The following DOHH variants were observed in gnomAD, a reference collection of about 807,000 sequenced individuals.
The protein encoded by DOHH is deoxyhypusine hydroxylase.
In DOHH, 16 loss-of-function variants were observed where a neutral mutation model predicts 19.9. The observed-to-expected ratio is 0.80, with a 90% CI of 0.54 to 1.22. The LOEUF (loss-of-function observed/expected upper bound fraction) is 1.22. Among genes scored for constraint, DOHH ranks in the 50% most tolerant of loss-of-function variants. The probability of loss-of-function intolerance (pLI) is 0.00; values close to 1 mark genes in which losing one functional copy is unlikely to be tolerated. For synonymous variants in DOHH, 233 were observed against 217.0 expected (o/e 1.07, Z -0.65); for missense variants, 460 against 460.6 (o/e 1.00, Z 0.01).
In DOHH at chr19:3,491,203, CCT is replaced by C. The variant is rs1022950624; in HGVS notation, c.*287_*288del. On this transcript the variant is annotated 3_prime_UTR_variant, in exon 5 of 5. Coordinates refer to ENST00000427575, the MANE Select transcript of DOHH (RefSeq NM_001145165.2). The surrounding 1 kb of genome is among the most constrained non-coding windows in gnomAD (Gnocchi z 5.6). Reference sequence around the variant, plus strand: ...CCCCTGGCTTCCCTCGCAATCCTCCCCTGTCCTGAGCCGGGCATCCCAGAGCC... The same window carrying C: ...CCCCTGGCTTCCCTCGCAATCCTCCCGTCCTGAGCCGGGCATCCCAGAGCC... The C allele has an allele frequency of 2.1e-5, 11 of 518,258 alleles. No homozygotes were observed. Among genetic ancestry groups the C allele is most frequent in the South Asian group, 7.7e-5 (3 of 39,038 alleles). The allele number at this position is 518,258 out of a possible 1,614,324, so 32.1% of individuals were successfully genotyped here. A position where few individuals can be genotyped will look rare whatever the true frequency, so the allele number is the denominator to read the frequency against.
In DOHH at chr19:3,496,938, T is replaced by C. The variant is rs1463295170; in HGVS notation, c.-72-52A>G. The C allele has an allele frequency of 2.4e-6, 3 of 1,264,854 alleles. No individual in the cohort carries two copies. The highest frequency in any genetic ancestry group is 3.0e-4 in the Middle Eastern group (1 of 3,298). 78.4% of individuals were successfully genotyped at this position (1,264,854 alleles called of 1,614,324 possible). Reference sequence around the variant, plus strand: ...TTAGAAGCCCCCTTCACCAGTGCGTTGTCTGTTCCTAGGACCTGGGTGGGG... The same window carrying C: ...TTAGAAGCCCCCTTCACCAGTGCGTCGTCTGTTCCTAGGACCTGGGTGGGG... On this transcript the variant is annotated intron_variant, in intron 1 of 4. Coordinates refer to ENST00000427575, the MANE Select transcript of DOHH (RefSeq NM_001145165.2). The surrounding 1 kb of genome is among the most constrained non-coding windows in gnomAD (Gnocchi z 4.8).
rs1019780433 is a variant in DOHH, at chr19:3,497,665, GC to G, written c.-72-780del. On this transcript the variant is annotated intron_variant, in intron 1 of 4. Coordinates refer to ENST00000427575, the MANE Select transcript of DOHH (RefSeq NM_001145165.2). ...TTTTGAGACAGGATCTTGTTCTGTC[GC>G]CAGGCTGGAGTACGGCAGCATGATC... 3.9e-5 allele frequency among the ~76,000 whole-genome samples: 6 copies of G among 152,208 alleles called. 1 individual carries two copies. Among genetic ancestry groups the G allele is most frequent in the Admixed American group, 3.9e-4 (6 of 15,282 alleles).
chr19:3,495,693 T>A (rs2082903289), intron 2 of DOHH, among the ~76,000 whole-genome samples: 1 of 152,168 alleles, frequency 6.6e-6, no homozygotes, highest in Non-Finnish European at 1.5e-5. Context: ...GTGGATCACT[T>A]GAGGCCAGGA....
rs141419837 is a variant in DOHH, at chr19:3,496,710, G to T, written c.105C>A (p.Gly35=). The change falls in exon 2 of 5, where the codon GGC becomes GGA. Residue 35 remains glycine, a synonymous_variant. Transcript: ENST00000427575. The surrounding 1 kb of genome is among the most constrained non-coding windows in gnomAD (Gnocchi z 4.8). ...FRALFTLRGL[G]GPGAIAWISQ... ...TGATCCATGCAATGGCGCCTGGGCC[G>T]CCGAGCCCACGCAGCGTGAACAGCG... The T allele has an allele frequency of 7.5e-5, 121 of 1,613,396 alleles. No homozygotes were observed. The African/African-American group carries it at 1.5e-3, about 20-fold the overall frequency.
At position 3,491,280 on chromosome 19, in the gene DOHH, C is replaced by T. The variant is rs753347764; in HGVS notation, c.*212G>A. 5.4e-5 allele frequency: 33 copies of T among 606,584 alleles called. No homozygotes were observed. Among genetic ancestry groups the T allele is most frequent in the Non-Finnish European group, 8.8e-5 (31 of 351,080 alleles). 37.6% of individuals were successfully genotyped at this position (606,584 alleles called of 1,614,324 possible). A position where few individuals can be genotyped will look rare whatever the true frequency, so the allele number is the denominator to read the frequency against. ...TGGAAACTTCCACGCTACAGCCCTG[C>T]GCCAGGCCCCGAGGAGCAGTCAGGG... is the stretch of plus-strand genomic sequence containing the variant. On this transcript the variant is annotated 3_prime_UTR_variant, in exon 5 of 5. Coordinates refer to ENST00000427575, the MANE Select transcript of DOHH (RefSeq NM_001145165.2). The surrounding 1 kb of genome is among the most constrained non-coding windows in gnomAD (Gnocchi z 5.6).
Position 3,496,654 on chromosome 19 carries a change from A to G in DOHH, c.161T>C (p.Leu54Pro). 1.2e-6 allele frequency: 2 copies of G among 1,613,962 alleles called. No homozygotes were observed. The highest frequency in any genetic ancestry group is 1.3e-5 in the African/African-American group (1 of 75,042). Residue 54 changes from leucine (L) to proline (P), a missense_variant, in exon 2 of 5, where the codon CTC (leucine) becomes CCC (proline). Leu to Pro is a moderately conservative substitution (Grantham distance 98). Coordinates refer to ENST00000427575, the MANE Select transcript of DOHH (RefSeq NM_001145165.2). The surrounding 1 kb of genome is among the most constrained non-coding windows in gnomAD (Gnocchi z 4.8). ...CAGGCAGTAGGCCAGCTCGTGCTTG[A>G]GCAGGGCGGAATCGTCATCGAAGGC... is the stretch of plus-strand genomic sequence containing the variant. ...SQAFDDDSAL[L>P]KHELAYCLGQ...
intron 2 of DOHH, among the ~76,000 whole-genome samples, chr19:3,494,382 G>C (rs1432368369): frequency 4.6e-5 from 7 of 152,222 alleles, no homozygotes; most frequent in Admixed American, 4.6e-4. Context: ...AGGGAGACAA[G>C]TATATCCCTA....
chr19:3,500,300 G>A (rs1376209017), intron 1 of DOHH, among the ~76,000 whole-genome samples: 2 of 152,168 alleles, frequency 1.3e-5, no homozygotes, highest in Non-Finnish European at 2.9e-5. Context: ...GAAACCAGAG[G>A]GCAGGCCTGT....
At chr19:3,493,071 T>G (rs1599758850) in intron 3 of DOHH, among the ~76,000 whole-genome samples, 1 of 152,136 alleles carries the variant, frequency 6.6e-6, no homozygotes, top group African/African-American at 2.4e-5. Flanking sequence ...TCATAACAGC[T>G]AAAAAGCAGA....
In DOHH at chr19:3,496,872, C is replaced by T. The variant is rs1166555667; in HGVS notation, c.-58G>A. 1.8e-5 allele frequency: 25 copies of T among 1,411,452 alleles called. No individual in the cohort carries two copies. Among genetic ancestry groups the T allele is most frequent in the Admixed American group, 1.0e-4 (4 of 39,658 alleles). 87.4% of individuals were successfully genotyped at this position (1,411,452 alleles called of 1,614,324 possible). A position where few individuals can be genotyped will look rare whatever the true frequency, so the allele number is the denominator to read the frequency against. Reference sequence around the variant, plus strand: ...CCTGCTCAGGCTAAACCTGGGGACGCGGGGATGTAAGAACCTGTGGCAGAA... The same window carrying T: ...CCTGCTCAGGCTAAACCTGGGGACGTGGGGATGTAAGAACCTGTGGCAGAA... On this transcript the variant is annotated 5_prime_UTR_variant, in exon 2 of 5. Transcript: ENST00000427575. This position sits in a 1 kb window ranked among gnomAD's most constrained non-coding sequence, Gnocchi z 4.8.
rs948237283 is a variant in DOHH, at chr19:3,491,395, G to C, written c.*97C>G. 1 of 1,284,812 alleles carries C rather than the reference G, an allele frequency of 7.8e-7. No homozygotes were observed. Among genetic ancestry groups the C allele is most frequent in the Non-Finnish European group, 1.1e-6 (1 of 946,312 alleles). 79.6% of individuals were successfully genotyped at this position (1,284,812 alleles called of 1,614,324 possible). ...ATGCGCCCAGCAAGACACAAGCGAT[G>C]ACACCGATTTACACACACCCGGTTT... is the stretch of plus-strand genomic sequence containing the variant. On this transcript the variant is annotated 3_prime_UTR_variant, in exon 5 of 5. Transcript: ENST00000427575. The surrounding 1 kb of genome is among the most constrained non-coding windows in gnomAD (Gnocchi z 5.6).
In DOHH at chr19:3,491,961, C is replaced by A; in HGVS notation, c.590-150G>T. ...CCGGCCTCCCAAAGTGCTGGGACGA[C>A]AGGCGTGAGCCACCACGCCCAACCT... On this transcript the variant is annotated intron_variant, in intron 4 of 4. Transcript: ENST00000427575. This position sits in a 1 kb window ranked among gnomAD's most constrained non-coding sequence, Gnocchi z 5.6. 1 of 946,100 alleles carries A rather than the reference C, an allele frequency of 1.1e-6. No homozygotes were observed. Among genetic ancestry groups the A allele is most frequent in the Non-Finnish European group, 1.5e-6 (1 of 675,694 alleles). 58.6% of individuals were successfully genotyped at this position (946,100 alleles called of 1,614,324 possible).
At chr19:3,495,014 C>T (rs973370758) in intron 2 of DOHH, among the ~76,000 whole-genome samples, 1 of 151,942 alleles carries the variant, frequency 6.6e-6, no homozygotes, top group African/African-American at 2.4e-5. Context: ...CTCTTGTGAC[C>T]CAGGCTAGAG....
chr19:3,494,111 A>G lies in DOHH; in HGVS notation c.275-7T>C, dbSNP rs2122058902. On this transcript the variant is annotated splice_region_variant and splice_polypyrimidine_tract_variant and intron_variant, in intron 2 of 4. Coordinates refer to ENST00000427575, the MANE Select transcript of DOHH (RefSeq NM_001145165.2). The stretch of plus-strand genomic sequence containing the variant: ...ATGGCCCCCAGGGCCTCCCCTGGGA[A>G]GAAGCAGCCGGAGAGCTCATGTTGG... 1 of 1,612,440 alleles carries G rather than the reference A, an allele frequency of 6.2e-7. No individual in the cohort carries two copies. Among genetic ancestry groups the G allele is most frequent in the Non-Finnish European group, 8.5e-7 (1 of 1,178,740 alleles).
rs375206434 is a variant in DOHH at position 3,496,793 on chromosome 19, C to G, written c.22G>C (p.Asp8His). 1 of 1,595,600 alleles carries G rather than the reference C, an allele frequency of 6.3e-7. No individual in the cohort carries two copies. The highest frequency in any genetic ancestry group is 8.5e-7 in the Non-Finnish European group (1 of 1,172,394). The change falls in exon 2 of 5, where the codon GAT becomes CAT. Residue 8 changes from aspartate (D) to histidine (H), a missense_variant. Transcript: ENST00000427575. The surrounding 1 kb of genome is among the most constrained non-coding windows in gnomAD (Gnocchi z 4.8). ...TCCACCAGCGTCTGCCCGATGGCATCCACCTCCTGCTCCGTCACCATCGTG... is the reference window on the plus strand; with the variant it reads ...TCCACCAGCGTCTGCCCGATGGCATGCACCTCCTGCTCCGTCACCATCGTG... MVTEQEV[D>H]AIGQTLVDPK...
intron 3 of DOHH, among the ~76,000 whole-genome samples, chr19:3,492,923 A>T (rs776352454): frequency 6.6e-6 from 1 of 152,230 alleles, no homozygotes; most frequent in South Asian, 2.1e-4. Flanking sequence ...GAGAGCTTTA[A>T]GCATGGAACA....
chr19:3,494,815 A>T, intron 2 of DOHH, among the ~76,000 whole-genome samples: 1 of 152,340 alleles, frequency 6.6e-6, no homozygotes, highest in East Asian at 1.9e-4. Flanking sequence ...TCTGCCGGGA[A>T]AAGTCCCGTA....
In DOHH at chr19:3,496,591, A is replaced by C. The variant is rs373530009; in HGVS notation, c.224T>G (p.Val75Gly). The change falls in exon 2 of 5, where the codon GTG (valine) becomes GGG (glycine). Residue 75 changes from valine (V) to glycine (G), a missense_variant. Transcript: ENST00000427575. The surrounding 1 kb of genome is among the most constrained non-coding windows in gnomAD (Gnocchi z 4.8). ...MQDARAIPML[V>G]DVLQDTRQEP... ...CTGACGGGTGTCTTGCAGCACGTCC[A>C]CCAGCATGGGGATGGCGCGGGCATC... 5 of 1,613,776 alleles carry C rather than the reference A, an allele frequency of 3.1e-6. No homozygotes were observed. Among genetic ancestry groups the C allele is most frequent in the Admixed American group, 1.7e-5 (1 of 60,002 alleles).
chr19:3,493,937 T>G (rs1436577669), intron 3 of DOHH, 91 bp downstream of exon 3: 3 of 1,280,918 alleles, frequency 2.3e-6, no homozygotes, highest in Non-Finnish European at 3.3e-6. Flanking sequence ...GGGGAGGGTC[T>G]GAGGCTGCTC....
Sources: allele counts gnomAD v4.1 joint callset (sites outside exome capture counted in the v4.1 genomes callset), GRCh38; gene constraint gnomAD v4.1.1; non-coding constraint Gnocchi (gnomAD v3.1); transcripts MANE v1.5; gene names NCBI Gene and HGNC (gene_info 2026-07-23, HGNC 2026-07-21).